Variants in NCF2 observed in about 807,000 individuals in gnomAD.
NCF2 encodes the protein neutrophil cytosol factor 2.
NCF2 carries 45 observed loss-of-function variants against 70.9 expected under a neutral mutation model. The ratio of observed to expected loss-of-function variants is 0.63; its 90% CI spans 0.50 to 0.81. NCF2 has a LOEUF of 0.81. Ranked by LOEUF, NCF2 falls within the 40% of genes least tolerant of loss-of-function variation. The pLI, the probability that NCF2 is intolerant of heterozygous loss-of-function variation, is 0.00. For missense variants in NCF2, 522 were observed against 631.6 expected (o/e 0.83, Z 1.86); for synonymous variants, 203 against 233.6 (o/e 0.87, Z 1.19).
Position 183,590,247 on chromosome 1 carries a change from G to T in NCF2, c.83C>A (p.Ala28Asp). The T allele has an allele frequency of 6.2e-7, 1 of 1,614,138 alleles. No individual in the cohort carries two copies. The highest frequency in any genetic ancestry group is 8.5e-7 in the Non-Finnish European group (1 of 1,180,030). ...DKKDWKGALDAFSAVQDPHSR... is the reference protein window; with the variant it reads ...DKKDWKGALDDFSAVQDPHSR... Reference sequence around the variant, plus strand: ...GTGGGGGTCCTGGACGGCACTGAAGGCATCCAGGGCTCCCTTCCAGTCCTT... The same window carrying T: ...GTGGGGGTCCTGGACGGCACTGAAGTCATCCAGGGCTCCCTTCCAGTCCTT... The change falls in exon 1 of 15, where the codon GCC becomes GAC. Residue 28 changes from alanine to aspartate, a missense_variant. By Grantham distance (126) the Ala-to-Asp change is moderately radical. Transcript: ENST00000367535.
the NCF2 span, among the ~76,000 whole-genome samples, chr1:183,599,482 C>CTTTCTTTCTTTCTTTCT: frequency 5.5e-5 from 4 of 72,944 alleles, no homozygotes; most frequent in Non-Finnish European, 8.7e-5. Context: ...TTCTTTCTTT[C>CTTTCTTTCTTTCTTTCT]TCTTTTCTTT....
intron 2 of NCF2, among the ~76,000 whole-genome samples, chr1:183,579,108 A>G (rs1672935931): frequency 6.6e-6 from 1 of 152,198 alleles, no homozygotes. Flanking sequence ...ATGTGGACAC[A>G]GGCTGGCAGG....
At chr1:183,586,806 G>A (rs556850278) in intron 2 of NCF2, 89 bp downstream of exon 2, 1 of 1,174,328 alleles carries the variant, frequency 8.5e-7, no homozygotes, top group Non-Finnish European at 1.3e-6. Context: ...AGGTTGGGAA[G>A]GTACTGCTCA....
Position 183,560,138 on chromosome 1 carries a change from G to A in NCF2, c.1426C>T (p.Leu476=). The A allele has an allele frequency of 3.7e-6, 6 of 1,614,136 alleles. No homozygotes were observed. The highest frequency in any genetic ancestry group is 5.1e-6 in the Non-Finnish European group (6 of 1,180,008). Residue 476 remains leucine, a synonymous_variant, in exon 14 of 15, where the codon CTG becomes TTG. Transcript: ENST00000367535. ...FSYEATQPED[L]EFQEGDIILV... ...ATTATATCCCCTTCCTGAAACTCCA[G>A]GTCCTCTGGTTGGGTAGCCTCATAA...
At chr1:183,564,751 G>T (rs1672228446) in intron 10 of NCF2, among the ~76,000 whole-genome samples, 1 of 152,224 alleles carries the variant, frequency 6.6e-6, no homozygotes, top group South Asian at 2.1e-4. Context: ...CAAAAAACCT[G>T]TCAAGGACAT....
upstream of NCF2, chr1:183,590,696 C>T: frequency 3.2e-6 from 1 of 316,170 alleles, no homozygotes; most frequent in Non-Finnish European, 6.3e-6. Flanking sequence ...CTCTCTCCCA[C>T]CCCTGTTCTG....
At chr1:183,582,005 G>T (rs1036203410) in intron 2 of NCF2, among the ~76,000 whole-genome samples, 2 of 152,180 alleles carry the variant, frequency 1.3e-5, no homozygotes, top group African/African-American at 4.8e-5. Flanking sequence ...TGAAAGCACC[G>T]GCCTGCTTCC....
At chr1:183,581,085 C>G (rs571292627) in intron 2 of NCF2, among the ~76,000 whole-genome samples, 5 of 151,540 alleles carry the variant, frequency 3.3e-5, no homozygotes, top group Admixed American at 3.3e-4. Context: ...AGGGTGGACC[C>G]GCCTAGGCAA....
upstream of NCF2, among the ~76,000 whole-genome samples, chr1:183,592,870 C>A (rs983953979): frequency 1.3e-5 from 2 of 152,196 alleles, no homozygotes; most frequent in Non-Finnish European, 2.9e-5. Flanking sequence ...TCTTCTCCCG[C>A]TATGCCTTCA....
chr1:183,556,168 C>CA lies in NCF2; in HGVS notation c.1530dup (p.Val511CysfsTer2). On this transcript the variant is annotated frameshift_variant, in exon 15 of 15. Coordinates refer to ENST00000367535, the MANE Select transcript of NCF2 (RefSeq NM_000433.4). LOFTEE classifies it high-confidence loss of function. ...AAATCTGTAGTTGCGCAGTCTTCAACAAAAACTTTGGGGAAAATGCCCACC... is the reference window on the plus strand; with the variant it reads ...AAATCTGTAGTTGCGCAGTCTTCAACAAAAAACTTTGGGGAAAATGCCCACC... 6.2e-7 allele frequency: 1 copy of CA among 1,614,196 alleles called. No homozygotes were observed.
At position 183,563,599 on chromosome 1, in the gene NCF2, A is replaced by T; in HGVS notation, c.1027-14T>A. ...GAGCTTCACTTCCTGAGTGGGGAGG[A>T]AACAAAGGGAACTCCTGAGTGTCTG... On this transcript the variant is annotated splice_polypyrimidine_tract_variant and intron_variant, in intron 11 of 14. Coordinates refer to ENST00000367535, the MANE Select transcript of NCF2 (RefSeq NM_000433.4). The T allele has an allele frequency of 1.9e-6, 3 of 1,612,718 alleles. No homozygotes were observed. The highest frequency in any genetic ancestry group is 1.7e-6 in the Non-Finnish European group (2 of 1,179,978).
upstream of NCF2, among the ~76,000 whole-genome samples, chr1:183,593,050 C>T (rs1265650685): frequency 7.9e-5 from 12 of 152,300 alleles, no homozygotes; most frequent in African/African-American, 2.2e-4. Flanking sequence ...CCCATGATCT[C>T]GCCTTCTGAA....
intron 9 of NCF2, among the ~76,000 whole-genome samples, 154 bp from the exon 10 acceptor site, chr1:183,565,933 G>A (rs1171440979): frequency 6.6e-6 from 1 of 152,196 alleles, no homozygotes; most frequent in Non-Finnish European, 1.5e-5. Flanking sequence ...TGGGGAAGAC[G>A]AAGGAAATGT....
intron 14 of NCF2, among the ~76,000 whole-genome samples, chr1:183,559,101 A>C (rs1671923575): frequency 6.6e-6 from 1 of 152,212 alleles, no homozygotes. Context: ...CTTGGTAGAA[A>C]TGCAAGTTGG....
intron 10 of NCF2, 28 bp downstream of exon 10, chr1:183,565,676 C>A: frequency 6.2e-7 from 1 of 1,608,138 alleles, no homozygotes; most frequent in Non-Finnish European, 8.5e-7. Flanking sequence ...TGCACCCAGA[C>A]CTAGGCTGTG....
At chr1:183,599,411 T>TTTCC in the NCF2 span, among the ~76,000 whole-genome samples, 1 of 132,746 alleles carries the variant, frequency 7.5e-6, no homozygotes, top group South Asian at 2.4e-4. Flanking sequence ...TTTTTCTTTC[T>TTTCC]TTCTTTCTTT....
chr1:183,560,499 T>A (rs1671993154), intron 13 of NCF2, among the ~76,000 whole-genome samples: 1 of 152,124 alleles, frequency 6.6e-6, no homozygotes, highest in Non-Finnish European at 1.5e-5. Flanking sequence ...TGGAAGACAG[T>A]TTTTAGATGA....
chr1:183,573,070 C>T (rs1672637212), intron 5 of NCF2, 115 bp downstream of exon 5: 4 of 930,650 alleles, frequency 4.3e-6, no homozygotes, highest in African/African-American at 3.2e-5. Context: ...TCTCTCATTG[C>T]CATCCCAGGG....
chr1:183,595,874 C>T (rs1673754979), upstream of NCF2, among the ~76,000 whole-genome samples: 1 of 152,106 alleles, frequency 6.6e-6, no homozygotes, highest in African/African-American at 2.4e-5. Flanking sequence ...CAGGTCTCTC[C>T]CACTCAAGGG....
Sources: allele counts gnomAD v4.1 joint callset (sites outside exome capture counted in the v4.1 genomes callset), GRCh38; gene constraint gnomAD v4.1.1; transcripts MANE v1.5; gene names NCBI Gene and HGNC (gene_info 2026-07-23, HGNC 2026-07-21).